TEKT1: variants seen among roughly 807,000 people sequenced by gnomAD.
The protein encoded by TEKT1 is tektin-1.
In TEKT1, 32 loss-of-function variants were observed where a neutral mutation model predicts 34.8. That is an observed-to-expected ratio of 0.92 (90% CI 0.69 to 1.23). TEKT1 has a LOEUF of 1.23. Ranked by LOEUF, TEKT1 falls within the 50% of genes most tolerant of loss-of-function variation. The probability of loss-of-function intolerance (pLI) is 0.00; values close to 1 mark genes in which losing one functional copy is unlikely to be tolerated. For missense variants in TEKT1, 492 were observed against 518.5 expected (o/e 0.95, Z 0.50); for synonymous variants, 207 against 199.8 (o/e 1.04, Z -0.30).
At chr17:6,809,922 G>A (rs1976903821) in intron 6 of TEKT1, among the ~76,000 whole-genome samples, 1 of 152,148 alleles carries the variant, frequency 6.6e-6, no homozygotes, top group Non-Finnish European at 1.5e-5. Context: ...GCAAGTTTTG[G>A]CAATCATGAA....
Position 6,800,842 on chromosome 17 carries a change from C to A in TEKT1, c.954G>T (p.Glu318Asp). 2 of 1,614,178 alleles carry A rather than the reference C, an allele frequency of 1.2e-6. No homozygotes were observed. The change falls in exon 7 of 8, where the codon GAG (glutamate) becomes GAT (aspartate). Residue 318 changes from glutamate to aspartate, a missense_variant. By Grantham distance (45) the Glu-to-Asp change is conservative. Coordinates refer to ENST00000338694, the MANE Select transcript of TEKT1 (RefSeq NM_053285.2). ...GPAKVAHTRLETRTHRPNVEL... is the reference protein window; with the variant it reads ...GPAKVAHTRLDTRTHRPNVEL... ...CCACGTTCGGCCGGTGTGTCCTGGT[C>A]TCCAAGCGCGTATGAGCCACCTTGG...
chr17:6,813,946 T>TTCCC (rs146111910), intron 5 of TEKT1, among the ~76,000 whole-genome samples: 1 of 145,852 alleles, frequency 6.9e-6, no homozygotes, highest in African/African-American at 2.6e-5. Flanking sequence ...CTGTCATCCG[T>TTCCC]TCTCTCTCTC....
At position 6,824,683 on chromosome 17, in the gene TEKT1, T is replaced by A. The variant is rs185711136; in HGVS notation, c.191-5325A>T. 5.9e-5 allele frequency among the ~76,000 whole-genome samples: 9 copies of A among 152,358 alleles called. No homozygotes were observed. In the East Asian group the frequency reaches 1.7e-3, roughly 29 times the overall value. On this transcript the variant is annotated intron_variant, in intron 2 of 7. Coordinates refer to ENST00000338694, the MANE Select transcript of TEKT1 (RefSeq NM_053285.2). The stretch of plus-strand genomic sequence containing the variant: ...TGTCTCTTTTACATAGTAGAATGTA[T>A]CAGTCTTTTTCAATTTTATACTCCT...
chr17:6,801,436 G>A (rs1008493132), intron 6 of TEKT1, among the ~76,000 whole-genome samples: 1 of 152,222 alleles, frequency 6.6e-6, no homozygotes, highest in Admixed American at 6.5e-5. Flanking sequence ...TAGGCCAGAT[G>A]TGGTGGCTCA....
chr17:6,818,866 T>C (rs1977045196), intron 3 of TEKT1, among the ~76,000 whole-genome samples: 1 of 152,228 alleles, frequency 6.6e-6, no homozygotes, highest in South Asian at 2.1e-4. Context: ...AACCCTGGAC[T>C]GACTATCTCT....
intron 2 of TEKT1, among the ~76,000 whole-genome samples, chr17:6,820,093 C>T (rs1288748847): frequency 1.3e-5 from 2 of 152,182 alleles, no homozygotes; most frequent in Non-Finnish European, 2.9e-5. Context: ...TCTTAACCAA[C>T]TCACACAACA....
In TEKT1 at chr17:6,815,205, G is replaced by A; in HGVS notation, c.587C>T (p.Pro196Leu). 6.2e-7 allele frequency: 1 copy of A among 1,614,156 alleles called. No individual in the cohort carries two copies. The highest frequency in any genetic ancestry group is 1.6e-4 in the Middle Eastern group (1 of 6,062). Residue 196 changes from proline (P) to leucine (L), a missense_variant, in exon 5 of 8, where the codon CCA (proline) becomes CTA (leucine). Coordinates refer to ENST00000338694, the MANE Select transcript of TEKT1 (RefSeq NM_053285.2). ...DICFSLNNNS[P>L]NIRYSENAVR... Reference sequence around the variant, plus strand: ...GGCGTTCTCAGAATATCTGATGTTTGGTGAGTTGTTGTTGAGCGAGAAGCA... The same window carrying A: ...GGCGTTCTCAGAATATCTGATGTTTAGTGAGTTGTTGTTGAGCGAGAAGCA...
rs531732083 is a variant in TEKT1, at chr17:6,799,449, A to G, written c.*578T>C. ...AGGCTCAGTATGAAGCCCTTTACGG[A>G]GGTGATCTCATTCAACGCCCCTATA... On this transcript the variant is annotated 3_prime_UTR_variant, in exon 8 of 8. Coordinates refer to ENST00000338694, the MANE Select transcript of TEKT1 (RefSeq NM_053285.2). 1 of 152,192 alleles carries G rather than the reference A, an allele frequency of 6.6e-6. No individual in the cohort carries two copies. The highest frequency in any genetic ancestry group is 1.5e-5 in the Non-Finnish European group (1 of 68,112). The allele number at this position is 152,192 out of a possible 1,614,324, so 9.4% of individuals were successfully genotyped here. A position where few individuals can be genotyped will look rare whatever the true frequency, so the allele number is the denominator to read the frequency against.
chr17:6,806,868 T>C (rs995423376), intron 6 of TEKT1, among the ~76,000 whole-genome samples: 105 of 152,344 alleles, frequency 6.9e-4, no homozygotes, highest in Non-Finnish European at 1.3e-3. Context: ...CCTTTGTGGG[T>C]AACCCAACCT....
At position 6,815,196 on chromosome 17, in the gene TEKT1, C is replaced by A; in HGVS notation, c.596G>T (p.Arg199Ile). 6.2e-7 allele frequency: 1 copy of A among 1,614,056 alleles called. No individual in the cohort carries two copies. The highest frequency in any genetic ancestry group is 2.2e-5 in the East Asian group (1 of 44,884). ...FSLNNNSPNI[R>I]YSENAVRIEP... The stretch of plus-strand genomic sequence containing the variant: ...AATCCTCACGGCGTTCTCAGAATAT[C>A]TGATGTTTGGTGAGTTGTTGTTGAG... The change falls in exon 5 of 8, where the codon AGA becomes ATA. Residue 199 changes from arginine to isoleucine, a missense_variant. Transcript: ENST00000338694.
At chr17:6,815,806 A>G (rs368273929) in intron 4 of TEKT1, 28 bp downstream of exon 4, 24 of 1,612,836 alleles carry the variant, frequency 1.5e-5, no homozygotes, top group African/African-American at 1.3e-4. Context: ...CCCAGTGGAG[A>G]TTTGGAGGGC....
intron 6 of TEKT1, among the ~76,000 whole-genome samples, chr17:6,803,106 C>T (rs559001125): frequency 1.3e-5 from 2 of 152,196 alleles, no homozygotes; most frequent in Non-Finnish European, 2.9e-5. Flanking sequence ...TTCTCCACAT[C>T]CTCTCCAGCA....
Position 6,815,207 on chromosome 17 carries a change from T to C in TEKT1, c.585A>G (p.Ser195=). The part of the protein sequence containing the change: ...DDICFSLNNN[S]PNIRYSENAV... Reference sequence around the variant, plus strand: ...CGTTCTCAGAATATCTGATGTTTGGTGAGTTGTTGTTGAGCGAGAAGCAGA... The same window carrying C: ...CGTTCTCAGAATATCTGATGTTTGGCGAGTTGTTGTTGAGCGAGAAGCAGA... Residue 195 remains serine, a synonymous_variant, in exon 5 of 8, where the codon TCA becomes TCG. Coordinates refer to ENST00000338694, the MANE Select transcript of TEKT1 (RefSeq NM_053285.2). The C allele has an allele frequency of 1.2e-6, 2 of 1,614,096 alleles. No homozygotes were observed. Among genetic ancestry groups the C allele is most frequent in the East Asian group, 2.2e-5 (1 of 44,880 alleles).
chr17:6,803,624 A>G (rs1245601575), intron 6 of TEKT1, among the ~76,000 whole-genome samples: 2 of 152,122 alleles, frequency 1.3e-5, no homozygotes, highest in Admixed American at 6.6e-5. Flanking sequence ...TCCACTTTGA[A>G]TTGATTTTTG....
intron 2 of TEKT1, among the ~76,000 whole-genome samples, chr17:6,827,257 ATTTT>A (rs34162124): frequency 1.6e-5 from 2 of 124,262 alleles, no homozygotes; most frequent in Non-Finnish European, 3.3e-5. Flanking sequence ...AGTTGTGCCA[ATTTT>A]TTTTTTTTTT....
chr17:6,827,663 A>G (rs932315841), intron 2 of TEKT1, among the ~76,000 whole-genome samples: 9 of 152,168 alleles, frequency 5.9e-5, no homozygotes, highest in African/African-American at 2.2e-4. Flanking sequence ...CATTGCATTG[A>G]ATATATAGAT....
intron 3 of TEKT1, among the ~76,000 whole-genome samples, chr17:6,816,851 G>A (rs1367288482): frequency 6.6e-6 from 1 of 152,154 alleles, no homozygotes; most frequent in Non-Finnish European, 1.5e-5. Context: ...CCCACCAACA[G>A]TGTAAAAGCA....
intron 2 of TEKT1, among the ~76,000 whole-genome samples, chr17:6,823,789 G>A (rs866501551): frequency 4.4e-4 from 64 of 143,912 alleles, no homozygotes; most frequent in African/African-American, 1.5e-3. Flanking sequence ...TACAATAGAA[G>A]ACTTCCTCGC....
At chr17:6,814,022 A>G (rs773137621) in intron 5 of TEKT1, among the ~76,000 whole-genome samples, 2 of 151,746 alleles carry the variant, frequency 1.3e-5, no homozygotes, top group African/African-American at 4.9e-5. Context: ...GTCATGGGAC[A>G]TCCCCATGGT....
Sources: gnomAD v4.1 joint callset for allele counts (sites outside exome capture counted in the v4.1 genomes callset) on GRCh38, gnomAD v4.1.1 for gene constraint, MANE v1.5 for transcripts, NCBI Gene and HGNC (gene_info 2026-07-23, HGNC 2026-07-21) for gene names.